The following CERS3 variants were observed in gnomAD, a reference collection of about 807,000 sequenced individuals.
The protein encoded by CERS3 is LAG1 homolog, ceramide synthase 3.
CERS3 carries 33 observed loss-of-function variants against 50.3 expected under a neutral mutation model. The observed-to-expected ratio is 0.66, with a 90% confidence interval of 0.50 to 0.88. The LOEUF (loss-of-function observed/expected upper bound fraction) is 0.88, where lower values mean the gene tolerates loss of function less well. CERS3 is among the 40% of genes least tolerant of loss of function. The pLI is 0.00. For synonymous variants in CERS3, 176 were observed against 155.2 expected (o/e 1.13, Z -0.99); for missense variants, 470 against 460.3 (o/e 1.02, Z -0.19).
intron 11 of CERS3, among the ~76,000 whole-genome samples, chr15:100,403,607 A>G (rs368602012): frequency 1.3e-5 from 2 of 152,246 alleles, no homozygotes; most frequent in Admixed American, 6.5e-5. Flanking sequence ...ACAGAATGCT[A>G]TGAACAACTC....
intron 4 of CERS3, among the ~76,000 whole-genome samples, chr15:100,490,175 A>G (rs1481257670): frequency 6.6e-6 from 1 of 152,182 alleles, no homozygotes; most frequent in African/African-American, 2.4e-5. Context: ...TTACTTAGAC[A>G]TTATTTTTTT....
chr15:100,506,451 A>C (rs951414675), intron 2 of CERS3, among the ~76,000 whole-genome samples: 2 of 132,134 alleles, frequency 1.5e-5, no homozygotes, highest in African/African-American at 5.6e-5. Context: ...CGGGGTGTGA[A>C]GAAATCGGGA....
intron 11 of CERS3, among the ~76,000 whole-genome samples, chr15:100,403,709 T>C (rs74038758): frequency 0.05 from 7,590 of 152,274 alleles, 358 homozygotes; most frequent in African/African-American, 0.12. Flanking sequence ...ACAGGTAATC[T>C]GGATAGTCAT....
upstream of CERS3, among the ~76,000 whole-genome samples, chr15:100,532,159 C>T (rs2036952910): frequency 6.6e-6 from 1 of 152,148 alleles, no homozygotes; most frequent in East Asian, 1.9e-4. Flanking sequence ...GGGCAGAGGT[C>T]CCACAGTTGC....
intron 10 of CERS3, among the ~76,000 whole-genome samples, chr15:100,457,706 T>C (rs1259661164): frequency 6.6e-6 from 1 of 152,244 alleles, no homozygotes; most frequent in African/African-American, 2.4e-5. Context: ...TTGTGTGCCA[T>C]CTGGTAAATA....
At chr15:100,409,561 AGG>A (rs2031314635) in intron 11 of CERS3, among the ~76,000 whole-genome samples, 1 of 152,186 alleles carries the variant, frequency 6.6e-6, no homozygotes, top group Admixed American at 6.5e-5. Flanking sequence ...AGTATGCTCT[AGG>A]GGGAACAAGG....
At chr15:100,443,715 C>A (rs1170430280) in intron 11 of CERS3, among the ~76,000 whole-genome samples, 1 of 148,152 alleles carries the variant, frequency 6.7e-6, no homozygotes, top group African/African-American at 2.5e-5. Context: ...TTACCTGTTA[C>A]CTATCTTAGC....
At chr15:100,433,277 C>A (rs1204241535) in intron 11 of CERS3, among the ~76,000 whole-genome samples, 1 of 151,450 alleles carries the variant, frequency 6.6e-6, no homozygotes, top group Non-Finnish European at 1.5e-5. Flanking sequence ...CCTAAGATTG[C>A]AAATGACTTG....
chr15:100,525,961 A>G (rs2036776222), intron 1 of CERS3, among the ~76,000 whole-genome samples: 1 of 152,220 alleles, frequency 6.6e-6, no homozygotes, highest in Admixed American at 6.5e-5. Flanking sequence ...CTCGGGCTGT[A>G]TAAGATCAAT....
At chr15:100,434,424 C>A (rs1460754875) in intron 11 of CERS3, among the ~76,000 whole-genome samples, 1 of 152,180 alleles carries the variant, frequency 6.6e-6, no homozygotes. Flanking sequence ...AAGCCATCTG[C>A]ATCATAAATC....
intron 2 of CERS3, among the ~76,000 whole-genome samples, chr15:100,517,726 GC>G (rs1322976356): frequency 6.6e-6 from 1 of 152,088 alleles, no homozygotes; most frequent in Non-Finnish European, 1.5e-5. Context: ...ACAGCCTACA[GC>G]CCCCGCAAGA....
At chr15:100,503,793 A>C in intron 2 of CERS3, 1 of 467,944 alleles carries the variant, frequency 2.1e-6, no homozygotes, top group African/African-American at 2.0e-5. Flanking sequence ...CAATAGATGC[A>C]GTCAGCAGAG....
intron 11 of CERS3, among the ~76,000 whole-genome samples, chr15:100,432,509 G>A (rs1476169984): frequency 4.6e-5 from 7 of 152,260 alleles, no homozygotes; most frequent in Admixed American, 3.3e-4. Context: ...AGCATAATGC[G>A]ACTAACAGCA....
rs887700989 is a variant in CERS3, at chr15:100,401,805, T to C, written c.*908A>G. The C allele has an allele frequency of 6.6e-6, 1 of 151,990 alleles. No homozygotes were observed. Among genetic ancestry groups the C allele is most frequent in the Non-Finnish European group, 1.5e-5 (1 of 68,080 alleles). 9.4% of individuals were successfully genotyped at this position (151,990 alleles called of 1,614,324 possible). The stretch of plus-strand genomic sequence containing the variant: ...GGCAGCAGCACAGAAGCTTCCCTCC[T>C]AGAAAGGAAAAAAGGGAAAGACCAG... On this transcript the variant is annotated 3_prime_UTR_variant, in exon 12 of 12. Transcript: ENST00000679737.
At chr15:100,430,091 T>A (rs1441799376) in intron 11 of CERS3, among the ~76,000 whole-genome samples, 1 of 151,908 alleles carries the variant, frequency 6.6e-6, no homozygotes, top group Non-Finnish European at 1.5e-5. Context: ...GGTGGGCGGA[T>A]CACGAGGTCA....
intron 11 of CERS3, among the ~76,000 whole-genome samples, chr15:100,439,256 A>G (rs2033568878): frequency 6.6e-6 from 1 of 152,264 alleles, no homozygotes; most frequent in Non-Finnish European, 1.5e-5. Flanking sequence ...TAGAAAAAAT[A>G]AGATGTGACT....
intron 11 of CERS3, among the ~76,000 whole-genome samples, chr15:100,444,662 T>G (rs541554098): frequency 6.6e-6 from 1 of 152,026 alleles, no homozygotes; most frequent in Non-Finnish European, 1.5e-5. Flanking sequence ...CAGGGATTAT[T>G]CAGGCCCCCT....
chr15:100,507,043 A>T (rs1216647293), intron 2 of CERS3, among the ~76,000 whole-genome samples: 1 of 152,174 alleles, frequency 6.6e-6, no homozygotes, highest in Non-Finnish European at 1.5e-5. Context: ...CCTGAATTTC[A>T]TGCTGCAGCT....
intron 5 of CERS3, among the ~76,000 whole-genome samples, chr15:100,482,820 A>G (rs867782530): frequency 3.7e-4 from 57 of 152,270 alleles, no homozygotes; most frequent in Middle Eastern, 3.4e-3. Flanking sequence ...GATTTTCAAA[A>G]GGCTTGAGGT....
Sources: gnomAD v4.1 joint callset for allele counts (sites outside exome capture counted in the v4.1 genomes callset) on GRCh38, gnomAD v4.1.1 for gene constraint, MANE v1.5 for transcripts, NCBI Gene and HGNC (gene_info 2026-07-23, HGNC 2026-07-21) for gene names.